Variants in GJB7 observed in about 807,000 individuals in gnomAD.
The protein encoded by GJB7 is gap junction protein beta 7.
For synonymous variants in GJB7, 87 were observed against 95.2 expected (o/e 0.91, Z 0.50); for missense variants, 253 against 256.8 (o/e 0.99, Z 0.10).
chr6:87,325,841 G>A, intron 1 of GJB7, among the ~76,000 whole-genome samples: 1 of 152,210 alleles, frequency 6.6e-6, no homozygotes, highest in East Asian at 1.9e-4. Context: ...AGAAGGAATG[G>A]TACCAGTTCC....
In GJB7 at chr6:87,284,230, G is replaced by A. The variant is rs781758591; in HGVS notation, c.*11C>T. 7 of 1,606,264 alleles carry A rather than the reference G, an allele frequency of 4.4e-6. No individual in the cohort carries two copies. In the Admixed American group the frequency reaches 1.0e-4, roughly 23 times the overall value. ...CTCCTACCACATTCAACATATCTGAGGCTGTGGCACTCACACACTGAGGAC... is the reference window on the plus strand; with the variant it reads ...CTCCTACCACATTCAACATATCTGAAGCTGTGGCACTCACACACTGAGGAC... On this transcript the variant is annotated 3_prime_UTR_variant, in exon 3 of 3. Coordinates refer to ENST00000525899, the MANE Select transcript of GJB7 (RefSeq NM_198568.3).
At chr6:87,321,413 G>A (rs1776658656) in intron 2 of GJB7, among the ~76,000 whole-genome samples, 1 of 152,040 alleles carries the variant, frequency 6.6e-6, no homozygotes, top group South Asian at 2.1e-4. Flanking sequence ...AGTCAGGTTG[G>A]AATTTTCTTA....
intron 2 of GJB7, among the ~76,000 whole-genome samples, chr6:87,295,863 T>G (rs1038790809): frequency 6.6e-6 from 1 of 152,206 alleles, no homozygotes; most frequent in African/African-American, 2.4e-5. Flanking sequence ...CAAGAAATGT[T>G]TTGAGATCTT....
intron 2 of GJB7, chr6:87,300,426 TG>T: frequency 8.1e-6 from 2 of 246,684 alleles, no homozygotes. Context: ...GTGCAGTGGG[TG>T]GAATGGGAGG....
chr6:87,288,464 C>G lies in GJB7; in HGVS notation c.-27-3525G>C, dbSNP rs137967518. Among the ~76,000 whole-genome samples the G allele has an allele frequency of 4.8e-3, 725 of 152,290 alleles. 2 individuals carry two copies. Among genetic ancestry groups the G allele is most frequent in the African/African-American group, 0.015 (636 of 41,546 alleles). ...GAATCCTTTTAAATCTTTCTTGCCT[C>G]TACATATATGTCAATGACTCCCAAA... On this transcript the variant is annotated intron_variant, in intron 2 of 2. Coordinates refer to ENST00000525899, the MANE Select transcript of GJB7 (RefSeq NM_198568.3).
intron 2 of GJB7, among the ~76,000 whole-genome samples, chr6:87,292,436 A>G (rs1331638748): frequency 6.6e-6 from 1 of 152,088 alleles, no homozygotes; most frequent in African/African-American, 2.4e-5. Flanking sequence ...CATAGTTTTC[A>G]TTTTCATATT....
intron 2 of GJB7, chr6:87,299,033 A>T: frequency 2.0e-6 from 1 of 506,678 alleles, no homozygotes; most frequent in East Asian, 5.6e-5. Flanking sequence ...ACATAAAAAT[A>T]TTGGAGTTAA....
At chr6:87,317,803 G>T (rs189442374) in intron 2 of GJB7, among the ~76,000 whole-genome samples, 4 of 152,254 alleles carry the variant, frequency 2.6e-5, no homozygotes, top group Admixed American at 2.6e-4. Context: ...TGGTGCCCAG[G>T]AAAGCATGTG....
intron 1 of GJB7, among the ~76,000 whole-genome samples, chr6:87,325,889 C>G (rs1416623516): frequency 1.3e-5 from 2 of 152,232 alleles, no homozygotes; most frequent in Non-Finnish European, 2.9e-5. Flanking sequence ...GTGAAGCCAT[C>G]TGCTCCTGGA....
intron 1 of GJB7, among the ~76,000 whole-genome samples, chr6:87,325,083 A>G (rs1375720189): frequency 6.6e-6 from 1 of 152,128 alleles, no homozygotes; most frequent in Admixed American, 6.5e-5. Context: ...TTGCTGGTGT[A>G]TAAGAATGCT....
At chr6:87,318,658 G>T (rs1032477864) in intron 2 of GJB7, among the ~76,000 whole-genome samples, 1 of 152,158 alleles carries the variant, frequency 6.6e-6, no homozygotes, top group African/African-American at 2.4e-5. Flanking sequence ...TCACAAGGGT[G>T]ACCCCCCAGA....
At chr6:87,308,767 A>G (rs937103305) in intron 2 of GJB7, among the ~76,000 whole-genome samples, 1 of 152,164 alleles carries the variant, frequency 6.6e-6, no homozygotes, top group Non-Finnish European at 1.5e-5. Context: ...TGATAAGACT[A>G]CTGAAAACCA....
Position 87,317,909 on chromosome 6 carries a change from A to G in GJB7, c.-28+4957T>C, listed in dbSNP as rs16878989. On this transcript the variant is annotated intron_variant, in intron 2 of 2. Coordinates refer to ENST00000525899, the MANE Select transcript of GJB7 (RefSeq NM_198568.3). ...TTTCAAAAGAAGAACAGTTAGAATTAAAATGTTTTCATCTCATATCACTTT... is the reference window on the plus strand; with the variant it reads ...TTTCAAAAGAAGAACAGTTAGAATTGAAATGTTTTCATCTCATATCACTTT... Among the ~76,000 whole-genome samples the G allele has an allele frequency of 9.6e-3, 1,461 of 152,310 alleles. 34 individuals are homozygous for G. The highest frequency in any genetic ancestry group is 0.034 in the African/African-American group (1,412 of 41,580).
intron 2 of GJB7, among the ~76,000 whole-genome samples, chr6:87,291,048 G>A (rs9294376): frequency 0.39 from 59,718 of 151,950 alleles, 12,060 homozygotes; most frequent in Admixed American, 0.52. Flanking sequence ...GATTGGAGAC[G>A]AGTGGTAGAC....
chr6:87,301,340 G>A (rs916435759), intron 2 of GJB7, among the ~76,000 whole-genome samples: 3 of 152,208 alleles, frequency 2.0e-5, no homozygotes, highest in Admixed American at 6.5e-5. Flanking sequence ...CTAATACTGC[G>A]CTTTTCCAAC....
chr6:87,312,108 G>C (rs951145975), intron 2 of GJB7, among the ~76,000 whole-genome samples: 2 of 152,042 alleles, frequency 1.3e-5, no homozygotes, highest in African/African-American at 4.8e-5. Context: ...TTTGGATGTT[G>C]GTTACCTGAG....
chr6:87,304,859 G>A (rs911474477), intron 2 of GJB7, among the ~76,000 whole-genome samples: 2 of 152,180 alleles, frequency 1.3e-5, no homozygotes, highest in African/African-American at 4.8e-5. Flanking sequence ...TGGTTTGCAA[G>A]GCTGGTTCAA....
chr6:87,285,001 A>G (rs1776036913), intron 2 of GJB7, 62 bp from the exon 3 acceptor site: 1 of 1,021,362 alleles, frequency 9.8e-7, no homozygotes, highest in Non-Finnish European at 1.4e-6. Context: ...CGTTTCTACT[A>G]TTTGAGGGAT....
At chr6:87,306,726 G>A (rs1217974146) in intron 2 of GJB7, among the ~76,000 whole-genome samples, 22 of 152,244 alleles carry the variant, frequency 1.4e-4, no homozygotes, top group Admixed American at 5.2e-4. Context: ...ACATGCACAC[G>A]TATGTTTATT....
Sources: gnomAD v4.1 joint callset for allele counts (sites outside exome capture counted in the v4.1 genomes callset) on GRCh38, gnomAD v4.1.1 for gene constraint, MANE v1.5 for transcripts, NCBI Gene and HGNC (gene_info 2026-07-23, HGNC 2026-07-21) for gene names.